Variants in LIN28B observed in about 807,000 individuals in gnomAD.
LIN28B encodes the protein protein lin-28 homolog B.
Under a neutral mutation model 21.9 loss-of-function variants are expected in LIN28B, and 5 were observed. The ratio of observed to expected loss-of-function variants is 0.23; its 90% confidence interval spans 0.12 to 0.48. LIN28B has a LOEUF of 0.48. LIN28B is among the 20% of genes least tolerant of loss of function. LIN28B has a pLI of 0.98. For missense variants in LIN28B, 245 were observed against 310.5 expected, an observed-to-expected ratio of 0.79 and a Z score of 1.58; for synonymous variants, 109 against 111.3, an observed-to-expected ratio of 0.98 and a Z score of 0.13.
chr6:104,998,293 A>G (rs1256807858), intron 2 of LIN28B, among the ~76,000 whole-genome samples: 1 of 152,212 alleles, frequency 6.6e-6, no homozygotes, highest in Non-Finnish European at 1.5e-5. Flanking sequence ...CATAAAGCAT[A>G]AAGTTCAACT....
chr6:105,055,334 G>A (rs1772001249), intron 3 of LIN28B, among the ~76,000 whole-genome samples: 1 of 152,050 alleles, frequency 6.6e-6, no homozygotes, highest in Admixed American at 6.6e-5. Flanking sequence ...GTGTCACTAT[G>A]AATAACAGTA....
At chr6:104,938,370 T>C (rs1434315378) in intron 2 of LIN28B, among the ~76,000 whole-genome samples, 2 of 152,176 alleles carry the variant, frequency 1.3e-5, no homozygotes, top group Admixed American at 1.3e-4. Flanking sequence ...TCAGGCATGG[T>C]GGATCACGCC....
rs749420316 is a variant in LIN28B at position 105,026,438 on chromosome 6, A to T, written c.339A>T (p.Arg113Ser). 5 of 1,607,412 alleles carry T rather than the reference A, an allele frequency of 3.1e-6. No individual in the cohort carries two copies. Among genetic ancestry groups the T allele is most frequent in the Non-Finnish European group, 4.2e-6 (5 of 1,177,544 alleles). ...GCCCCTGTTTAGGAAGTGAAAGAAGACCCAAAGGGAAGACACTACAGAAAA... is the reference window on the plus strand; with the variant it reads ...GCCCCTGTTTAGGAAGTGAAAGAAGTCCCAAAGGGAAGACACTACAGAAAA... ...GGSPCLGSER[R>S]PKGKTLQKRK... Residue 113 changes from arginine (R) to serine (S), a missense_variant, in exon 3 of 4, where the codon AGA (arginine) becomes AGT (serine). Arg to Ser is a moderately radical substitution (Grantham distance 110). Transcript: ENST00000345080.
Position 105,080,094 on chromosome 6 carries a change from G to A in LIN28B, c.*1311G>A, listed in dbSNP as rs1484856371. 6.6e-6 allele frequency: 1 copy of A among 152,406 alleles called. No individual in the cohort carries two copies. The allele number at this position is 152,406 out of a possible 1,614,324, so 9.4% of individuals were successfully genotyped here. A position where few individuals can be genotyped will look rare whatever the true frequency, so the allele number is the denominator to read the frequency against. ...TTATTCTGAAGTAACCTATATGGTGGATACAGGATGAACATTCAGTGCCAG... is the reference window on the plus strand; with the variant it reads ...TTATTCTGAAGTAACCTATATGGTGAATACAGGATGAACATTCAGTGCCAG... On this transcript the variant is annotated 3_prime_UTR_variant, in exon 4 of 4. Transcript: ENST00000345080.
At chr6:104,944,896 A>G (rs1778139011) in intron 2 of LIN28B, among the ~76,000 whole-genome samples, 1 of 152,222 alleles carries the variant, frequency 6.6e-6, no homozygotes, top group Non-Finnish European at 1.5e-5. Flanking sequence ...TCTTAGCGGA[A>G]CAAAAGCTTA....
chr6:105,036,612 G>T (rs1208290270), intron 3 of LIN28B, among the ~76,000 whole-genome samples: 1 of 150,522 alleles, frequency 6.6e-6, no homozygotes, highest in East Asian at 2.0e-4. Flanking sequence ...ATTGTGTGGA[G>T]CTGAGCTTCA....
chr6:105,046,569 C>T (rs1401417457), intron 3 of LIN28B, among the ~76,000 whole-genome samples: 1 of 152,146 alleles, frequency 6.6e-6, no homozygotes, highest in African/African-American at 2.4e-5. Context: ...ATTTCTAGTT[C>T]TAGATCCCTG....
At chr6:104,939,737 T>G (rs1234311313) in intron 2 of LIN28B, among the ~76,000 whole-genome samples, 2 of 152,200 alleles carry the variant, frequency 1.3e-5, no homozygotes, top group Non-Finnish European at 2.9e-5. Flanking sequence ...TATTTTAAAT[T>G]TTTGAACAAA....
intron 2 of LIN28B, among the ~76,000 whole-genome samples, chr6:105,021,763 G>T (rs540180701): frequency 2.6e-5 from 4 of 151,946 alleles, no homozygotes; most frequent in Non-Finnish European, 4.4e-5. Flanking sequence ...CTCCCATTCC[G>T]CAGGGTGTCT....
At chr6:105,071,868 A>G (rs542737181) in intron 3 of LIN28B, among the ~76,000 whole-genome samples, 32 of 152,350 alleles carry the variant, frequency 2.1e-4, no homozygotes, top group African/African-American at 7.5e-4. Flanking sequence ...TCTTAAACAT[A>G]TGATTAAAGA....
At chr6:105,054,527 C>G (rs114868696) in intron 3 of LIN28B, among the ~76,000 whole-genome samples, 21 of 152,266 alleles carry the variant, frequency 1.4e-4, no homozygotes, top group African/African-American at 4.8e-4. Flanking sequence ...ATCTTTATCC[C>G]CATTTCACCT....
intron 3 of LIN28B, among the ~76,000 whole-genome samples, chr6:105,046,862 T>C (rs1582916888): frequency 1.3e-5 from 2 of 152,060 alleles, no homozygotes; most frequent in Non-Finnish European, 2.9e-5. Flanking sequence ...GTTGGTGGGG[T>C]TGTTTGTTTT....
chr6:105,023,879 A>T (rs1771230199), intron 2 of LIN28B, among the ~76,000 whole-genome samples: 1 of 151,166 alleles, frequency 6.6e-6, no homozygotes, highest in Non-Finnish European at 1.5e-5. Context: ...AAATTAAGTG[A>T]AAGTATACCA....
At chr6:105,007,617 TG>T (rs1770843776) in intron 2 of LIN28B, among the ~76,000 whole-genome samples, 1 of 151,844 alleles carries the variant, frequency 6.6e-6, no homozygotes, top group South Asian at 2.1e-4. Context: ...CTTTAATTCC[TG>T]GGCTGAAGAG....
chr6:104,970,547 GA>G (rs1442187449), intron 2 of LIN28B, among the ~76,000 whole-genome samples: 1 of 152,032 alleles, frequency 6.6e-6, no homozygotes, highest in African/African-American at 2.4e-5. Flanking sequence ...TTAGGAAGCT[GA>G]AAAAAATTAC....
chr6:105,066,797 TAGTA>T (rs1359965403), intron 3 of LIN28B, among the ~76,000 whole-genome samples: 1 of 152,014 alleles, frequency 6.6e-6, no homozygotes, highest in Non-Finnish European at 1.5e-5. Context: ...AATGTCCTAA[TAGTA>T]AGACATTTTA....
At chr6:105,055,131 A>T (rs777232393) in intron 3 of LIN28B, among the ~76,000 whole-genome samples, 2 of 151,550 alleles carry the variant, frequency 1.3e-5, no homozygotes, top group Non-Finnish European at 2.9e-5. Context: ...ATTTTGGGGG[A>T]TTTATTTGTA....
Position 105,080,939 on chromosome 6 carries a change from A to G in LIN28B, c.*2156A>G, listed in dbSNP as rs1345721042. 1 of 152,596 alleles carries G rather than the reference A, an allele frequency of 6.6e-6. No homozygotes were observed. 9.5% of individuals were successfully genotyped at this position (152,596 alleles called of 1,614,324 possible). On this transcript the variant is annotated 3_prime_UTR_variant, in exon 4 of 4. Transcript: ENST00000345080. ...TTACAAAAAGAAATTCAGAGCTAAA[A>G]TCATGGTAAAAAAAAATAGAAACAC...
In LIN28B at chr6:104,942,829, A is replaced by G. The variant is rs868491879; in HGVS notation, c.18+5713A>G. On this transcript the variant is annotated intron_variant, in intron 2 of 5. Transcript: ENST00000635857. ...AGGATCAGCTAATCTTTGCTTTACA[A>G]TATAAGGTCATAAAAATTTAAGGAA... 5.3e-4 allele frequency among the ~76,000 whole-genome samples: 80 copies of G among 152,280 alleles called. 2 individuals are homozygous for G. The Middle Eastern group carries it at 0.017, about 32-fold the overall frequency.
Sources: gnomAD v4.1 joint callset for allele counts (sites outside exome capture counted in the v4.1 genomes callset) on GRCh38, gnomAD v4.1.1 for gene constraint, MANE v1.5 for transcripts, NCBI Gene and HGNC (gene_info 2026-07-23, HGNC 2026-07-21) for gene names.